The following CFAP70 variants were observed in gnomAD, a reference collection of about 807,000 sequenced individuals.
CFAP70 encodes cilia- and flagella-associated protein 70.
CFAP70 carries 81 observed loss-of-function variants against 137.6 expected under a neutral mutation model. The ratio of observed to expected loss-of-function variants is 0.59; its 90% CI spans 0.49 to 0.71. CFAP70 has a LOEUF of 0.71. CFAP70 is among the 30% of genes least tolerant of loss of function. The pLI, the probability that CFAP70 is intolerant of heterozygous loss-of-function variation, is 0.00. For synonymous variants in CFAP70, 382 were observed against 423.6 expected (o/e 0.90, Z 1.20); for missense variants, 976 against 1,226.7 (o/e 0.80, Z 3.05).
chr10:73,349,061 CA>C (rs56392713), intron 3 of CFAP70, among the ~76,000 whole-genome samples: 11,791 of 91,610 alleles, frequency 0.13, 633 homozygotes, highest in East Asian at 0.37. Context: ...AACTCCGTCT[CA>C]AAAAAAAAAA....
chr10:73,321,825 C>T (rs184201592), intron 9 of CFAP70, among the ~76,000 whole-genome samples: 15 of 151,946 alleles, frequency 9.9e-5, no homozygotes, highest in African/African-American at 3.4e-4. Context: ...GCTCTGTTGC[C>T]CAGGCTGTAA....
At chr10:73,313,843 A>C (rs1048055354) in intron 9 of CFAP70, among the ~76,000 whole-genome samples, 1 of 152,216 alleles carries the variant, frequency 6.6e-6, no homozygotes, top group African/African-American at 2.4e-5. Flanking sequence ...CTCCGTCTCA[A>C]AAAAGGAAAA....
chr10:73,331,173 T>C lies in CFAP70; in HGVS notation c.777+4A>G, dbSNP rs1196479540. On this transcript the variant is annotated splice_donor_region_variant and intron_variant, in intron 8 of 26. Transcript: ENST00000310715. ...TATAAATATTTTTGAGGGGGCATAT[T>C]TACCTTTTCAGTTTTGCCAGCTTTC... The C allele has an allele frequency of 1.2e-6, 2 of 1,604,456 alleles. No individual in the cohort carries two copies. Among genetic ancestry groups the C allele is most frequent in the African/African-American group, 1.3e-5 (1 of 74,744 alleles).
chr10:73,256,386 AG>A lies in CFAP70; in HGVS notation c.3057del (p.Tyr1020ThrfsTer4). The A allele has an allele frequency of 6.2e-7, 1 of 1,614,152 alleles. No homozygotes were observed. ...TGTCATACCTTGATCATGTACTTGT[AG>A]GCCTGCTCAGCTTCTAATTGCCGTC... On this transcript the variant is annotated frameshift_variant, in exon 26 of 27. Transcript: ENST00000310715. LOFTEE classifies it high-confidence loss of function.
At chr10:73,279,568 A>AATAAATAT (rs1554884375) in intron 19 of CFAP70, among the ~76,000 whole-genome samples, 1 of 126,718 alleles carries the variant, frequency 7.9e-6, no homozygotes, top group Non-Finnish European at 1.6e-5. Flanking sequence ...TAAATAAATA[A>AATAAATAT]ATATAAGAAG....
In CFAP70 at chr10:73,345,046, T is replaced by C. The variant is rs747938501; in HGVS notation, c.399+19A>G. 2.5e-6 allele frequency: 4 copies of C among 1,610,510 alleles called. No homozygotes were observed. Among genetic ancestry groups the C allele is most frequent in the Non-Finnish European group, 3.4e-6 (4 of 1,176,896 alleles). ...AGACATGTTTGAATCTCTATAAATATCTGGCAGTAGGGCTTTACCTCTCCA... is the reference window on the plus strand; with the variant it reads ...AGACATGTTTGAATCTCTATAAATACCTGGCAGTAGGGCTTTACCTCTCCA... On this transcript the variant is annotated intron_variant, in intron 5 of 26. Transcript: ENST00000310715.
chr10:73,334,137 C>T (rs1376678986), intron 7 of CFAP70, among the ~76,000 whole-genome samples: 2 of 151,772 alleles, frequency 1.3e-5, no homozygotes. Context: ...ATTGGTAATC[C>T]CTCAATTCTC....
chr10:73,291,553 C>T, intron 18 of CFAP70, 87 bp downstream of exon 19: 1 of 1,476,886 alleles, frequency 6.8e-7, no homozygotes, highest in Admixed American at 1.9e-5. Flanking sequence ...TTAAGAACTA[C>T]ATGATGAGCC....
intron 6 of CFAP70, among the ~76,000 whole-genome samples, chr10:73,337,731 C>T (rs1011659055): frequency 1.3e-5 from 2 of 152,088 alleles, no homozygotes; most frequent in Non-Finnish European, 2.9e-5. Flanking sequence ...TGTGGTGAAA[C>T]CCCATCTCCA....
chr10:73,304,058 A>C lies in CFAP70; in HGVS notation c.1257-4393T>G, dbSNP rs553795620. 2.6e-5 allele frequency among the ~76,000 whole-genome samples: 4 copies of C among 151,820 alleles called. No homozygotes were observed. In the East Asian group the frequency reaches 7.7e-4, roughly 29 times the overall value. ...TTTATTTTGTATGTCATTTATGGTA[A>C]ATTTTTTTTTTTTGAGACAGAGTTT... On this transcript the variant is annotated intron_variant, in intron 12 of 26. Transcript: ENST00000310715.
At chr10:73,302,578 G>A (rs576356133) in intron 12 of CFAP70, among the ~76,000 whole-genome samples, 9 of 152,052 alleles carry the variant, frequency 5.9e-5, no homozygotes, top group South Asian at 2.1e-4. Flanking sequence ...GTTTATACTC[G>A]CACCAGCTTA....
At chr10:73,311,160 TTTC>T (rs1168526562) in intron 11 of CFAP70, among the ~76,000 whole-genome samples, 1 of 152,234 alleles carries the variant, frequency 6.6e-6, no homozygotes, top group African/African-American at 2.4e-5. Flanking sequence ...ATTCAGCCTC[TTTC>T]TTCTTTCCTA....
At chr10:73,300,993 A>G (rs1241556825) in intron 12 of CFAP70, among the ~76,000 whole-genome samples, 4 of 152,270 alleles carry the variant, frequency 2.6e-5, no homozygotes, top group African/African-American at 9.6e-5. Context: ...CTAGTAGGGA[A>G]AGAAAGACAA....
chr10:73,362,149 G>A (rs924394401), upstream of CFAP70, among the ~76,000 whole-genome samples: 1 of 152,194 alleles, frequency 6.6e-6, no homozygotes, highest in Non-Finnish European at 1.5e-5. Context: ...TGGGATGTGG[G>A]AGGGAGGGGG....
At chr10:73,355,804 C>T (rs990981897) in intron 1 of CFAP70, among the ~76,000 whole-genome samples, 11 of 151,986 alleles carry the variant, frequency 7.2e-5, no homozygotes, top group African/African-American at 1.7e-4. Context: ...TATATATTAC[C>T]GTGTAATACT....
upstream of CFAP70, among the ~76,000 whole-genome samples, chr10:73,362,012 C>T (rs367839624): frequency 3.9e-5 from 6 of 152,124 alleles, no homozygotes; most frequent in East Asian, 3.9e-4. Flanking sequence ...AATCAAGTAA[C>T]GAAGACAGTA....
intron 25 of CFAP70, among the ~76,000 whole-genome samples, chr10:73,263,968 C>T (rs1016455162): frequency 1.3e-5 from 2 of 152,160 alleles, no homozygotes; most frequent in Admixed American, 1.3e-4. Flanking sequence ...AATTATATCA[C>T]TGTGGGCTCA....
chr10:73,329,922 A>C (rs111698863), intron 8 of CFAP70, among the ~76,000 whole-genome samples: 4 of 152,076 alleles, frequency 2.6e-5, no homozygotes, highest in African/African-American at 9.7e-5. Flanking sequence ...CGGACGAATG[A>C]CAGTCTCCTG....
chr10:73,311,717 T>C, intron 11 of CFAP70, 117 bp downstream of exon 12: 1 of 867,588 alleles, frequency 1.2e-6, no homozygotes, highest in Non-Finnish European at 1.9e-6. Context: ...CAACTAGTCA[T>C]GGGCAAATAT....
Sources: gnomAD v4.1 joint callset for allele counts (sites outside exome capture counted in the v4.1 genomes callset) on GRCh38, gnomAD v4.1.1 for gene constraint, MANE v1.5 for transcripts, NCBI Gene and HGNC (gene_info 2026-07-23, HGNC 2026-07-21) for gene names.